ADAM12: variants seen among roughly 807,000 people sequenced by gnomAD.
ADAM12 encodes disintegrin and metalloproteinase domain-containing protein 12.
ADAM12 carries 70 observed loss-of-function variants against 106.4 expected under a neutral mutation model. That is an observed-to-expected ratio of 0.66 (90% CI 0.54 to 0.80). The LOEUF is 0.80. ADAM12 is among the 30% of genes least tolerant of loss of function. ADAM12 has a pLI of 0.00. For synonymous variants in ADAM12, 420 were observed against 433.5 expected (o/e 0.97, Z 0.39); for missense variants, 1,010 against 1,171.9 (o/e 0.86, Z 2.02).
chr10:126,182,783 C>T (rs544673761), intron 3 of ADAM12, among the ~76,000 whole-genome samples: 36 of 152,146 alleles, frequency 2.4e-4, no homozygotes, highest in Non-Finnish European at 4.4e-4. Context: ...TTGGATGACC[C>T]CCAGTCTAAT....
chr10:126,236,643 G>A (rs937914707), intron 3 of ADAM12, among the ~76,000 whole-genome samples: 38 of 151,598 alleles, frequency 2.5e-4, no homozygotes, highest in Admixed American at 1.4e-3. Flanking sequence ...CTCACAGGAA[G>A]GAACACCCAT....
chr10:126,197,123 G>T (rs1251641896), intron 3 of ADAM12, among the ~76,000 whole-genome samples: 1 of 152,196 alleles, frequency 6.6e-6, no homozygotes, highest in African/African-American at 2.4e-5. Context: ...ACGGTCCCAG[G>T]TGGAGGCAGG....
intron 10 of ADAM12, among the ~76,000 whole-genome samples, chr10:126,095,052 C>T (rs1192556395): frequency 1.3e-5 from 2 of 152,110 alleles, no homozygotes; most frequent in African/African-American, 4.8e-5. Context: ...TCTGAAAAGG[C>T]CTGTATACCA....
chr10:126,361,919 C>A (rs4480451), intron 1 of ADAM12, among the ~76,000 whole-genome samples: 7,684 of 151,368 alleles, frequency 0.051, 283 homozygotes, highest in Middle Eastern at 0.099. Flanking sequence ...GCAATAAAAG[C>A]AAAAATAAGC....
In ADAM12 at chr10:126,330,505, C is replaced by T; in HGVS notation, c.93G>A (p.Val31=). The part of the protein sequence containing the change: ...ALLAPCEARG[V]SLWNQGRADE... ...CAGCTCTTCCTTGGTTCCATAAGCT[C>T]ACCCCTGAATCAAAAGGAAAACAGC... Residue 31 remains valine, a synonymous_variant, in exon 2 of 23, where the codon GTG becomes GTA. Coordinates refer to ENST00000448723, the MANE Select transcript of ADAM12 (RefSeq NM_001288973.2). 1 of 1,613,390 alleles carries T rather than the reference C, an allele frequency of 6.2e-7. No homozygotes were observed. The highest frequency in any genetic ancestry group is 8.5e-7 in the Non-Finnish European group (1 of 1,179,782).
intron 2 of ADAM12, among the ~76,000 whole-genome samples, chr10:126,281,625 C>G (rs1161659361): frequency 1.3e-5 from 2 of 152,182 alleles, no homozygotes; most frequent in Non-Finnish European, 2.9e-5. Flanking sequence ...TTGAAGACCA[C>G]TAATTGCCTT....
chr10:126,198,314 T>C (rs1957635565), intron 3 of ADAM12, among the ~76,000 whole-genome samples: 1 of 152,208 alleles, frequency 6.6e-6, no homozygotes. Context: ...CAGGAAGGTC[T>C]GTACCTTTTT....
At chr10:126,204,900 G>A (rs1295074837) in intron 3 of ADAM12, among the ~76,000 whole-genome samples, 2 of 152,164 alleles carry the variant, frequency 1.3e-5, no homozygotes, top group Non-Finnish European at 2.9e-5. Flanking sequence ...GATTAGATAG[G>A]TTGGAACCCA....
chr10:126,079,465 G>C (rs1317458906), intron 11 of ADAM12, among the ~76,000 whole-genome samples: 1 of 152,134 alleles, frequency 6.6e-6, no homozygotes, highest in Non-Finnish European at 1.5e-5. Flanking sequence ...CCTTAGAATA[G>C]TGTTCTCGAG....
intron 3 of ADAM12, among the ~76,000 whole-genome samples, chr10:126,157,703 A>ATGCT (rs1956845128): frequency 6.6e-6 from 1 of 152,224 alleles, no homozygotes; most frequent in Non-Finnish European, 1.5e-5. Context: ...TCAGCAGTGC[A>ATGCT]CATGTCGTGC....
At chr10:126,108,557 T>G in intron 8 of ADAM12, 36 bp downstream of exon 8, 8 of 1,574,224 alleles carry the variant, frequency 5.1e-6, no homozygotes, top group Non-Finnish European at 7.0e-6. Context: ...AACATTTACA[T>G]GATCTGAATG....
chr10:126,110,852 T>C (rs143205597), intron 6 of ADAM12, among the ~76,000 whole-genome samples: 1 of 152,348 alleles, frequency 6.6e-6, no homozygotes, highest in East Asian at 1.9e-4. Flanking sequence ...TGCCATAAAA[T>C]GCAGTTGGAG....
intron 3 of ADAM12, among the ~76,000 whole-genome samples, chr10:126,210,645 T>C (rs1198007661): frequency 6.6e-6 from 1 of 152,166 alleles, no homozygotes; most frequent in Non-Finnish European, 1.5e-5. Flanking sequence ...TGGACGATGA[T>C]GACTGGGCCA....
chr10:126,106,005 G>T (rs1955759038), intron 8 of ADAM12, among the ~76,000 whole-genome samples: 1 of 152,150 alleles, frequency 6.6e-6, no homozygotes. Context: ...TCTCTGAGTG[G>T]CAAACCCAGA....
chr10:126,297,555 T>G (rs933013350), intron 2 of ADAM12, among the ~76,000 whole-genome samples: 2 of 152,088 alleles, frequency 1.3e-5, no homozygotes, highest in Non-Finnish European at 2.9e-5. Context: ...GTCTCAGGAA[T>G]GAAAAACAGC....
intron 2 of ADAM12, among the ~76,000 whole-genome samples, chr10:126,293,779 C>T (rs1265455226): frequency 6.6e-6 from 1 of 152,144 alleles, no homozygotes; most frequent in Non-Finnish European, 1.5e-5. Flanking sequence ...CCTCGGCCTC[C>T]CATTTCTTCT....
chr10:126,191,909 T>TA (rs1957508769), intron 3 of ADAM12, among the ~76,000 whole-genome samples: 1 of 152,120 alleles, frequency 6.6e-6, no homozygotes, highest in Non-Finnish European at 1.5e-5. Flanking sequence ...TCAGAAAACT[T>TA]ACAACCCTGG....
At chr10:126,274,763 G>A (rs1481869572) in intron 3 of ADAM12, among the ~76,000 whole-genome samples, 2 of 152,170 alleles carry the variant, frequency 1.3e-5, no homozygotes, top group East Asian at 1.9e-4. Flanking sequence ...GGGTCAAGGG[G>A]AACAATGGCT....
intron 3 of ADAM12, among the ~76,000 whole-genome samples, chr10:126,245,961 T>C (rs1958620935): frequency 6.6e-6 from 1 of 152,008 alleles, no homozygotes; most frequent in South Asian, 2.1e-4. Context: ...TGGGAATGGA[T>C]GGATGAACAG....
Sources: gnomAD v4.1 joint callset for allele counts (sites outside exome capture counted in the v4.1 genomes callset) on GRCh38, gnomAD v4.1.1 for gene constraint, MANE v1.5 for transcripts, NCBI Gene and HGNC (gene_info 2026-07-23, HGNC 2026-07-21) for gene names.